XXYLT1: variants seen among roughly 807,000 people sequenced by gnomAD.
XXYLT1 encodes UDP-xylose:alpha-xyloside alpha-1,3-xylosyltransferase.
XXYLT1 carries 20 observed loss-of-function variants against 28.9 expected under a neutral mutation model. The observed-to-expected ratio is 0.69, with a 90% CI of 0.49 to 1.00. The LOEUF is 1.00. Ranked by LOEUF, XXYLT1 falls within the 50% of genes least tolerant of loss-of-function variation. XXYLT1 has a pLI of 0.00. For missense variants in XXYLT1, 542 were observed against 560.1 expected (o/e 0.97, Z 0.33); for synonymous variants, 257 against 253.8 (o/e 1.01, Z -0.12).
chr3:195,248,060 G>C, intron 1 of XXYLT1: 1 of 516,962 alleles, frequency 1.9e-6, no homozygotes, highest in Non-Finnish European at 3.5e-6. Flanking sequence ...TTCCAAGGCT[G>C]CCTGCTCTCC....
chr3:195,152,461 A>C (rs1420074348), intron 3 of XXYLT1: 1 of 152,452 alleles, frequency 6.6e-6, no homozygotes, highest in Non-Finnish European at 1.5e-5. Context: ...CCCGAGAGAG[A>C]GAGGCTCCTC....
rs757577458 is a variant in XXYLT1, at chr3:195,226,902, A to C, written c.505-46T>G. 2.1e-5 allele frequency: 34 copies of C among 1,597,886 alleles called. No individual in the cohort carries two copies. The highest frequency in any genetic ancestry group is 2.8e-5 in the Non-Finnish European group (33 of 1,172,362). On this transcript the variant is annotated intron_variant, in intron 1 of 3. Transcript: ENST00000310380. Reference sequence around the variant, plus strand: ...ACCAAGGCTCAGCAAACCAGTTCTCACTGCAAGCTCAACACCCAACAAGCA... The same window carrying C: ...ACCAAGGCTCAGCAAACCAGTTCTCCCTGCAAGCTCAACACCCAACAAGCA...
At chr3:195,246,367 T>A (rs1725024103) in intron 1 of XXYLT1, among the ~76,000 whole-genome samples, 2 of 152,140 alleles carry the variant, frequency 1.3e-5, no homozygotes, top group Non-Finnish European at 2.9e-5. Context: ...CTTCCTCACC[T>A]CCAATGGCAA....
At chr3:195,080,468 T>C (rs1220979226) in intron 3 of XXYLT1, among the ~76,000 whole-genome samples, 2 of 147,426 alleles carry the variant, frequency 1.4e-5, no homozygotes, top group Non-Finnish European at 3.0e-5. Context: ...AGGACCCACA[T>C]GCACCTGGCC....
chr3:195,072,193 G>A (rs935579938), intron 3 of XXYLT1, among the ~76,000 whole-genome samples: 2 of 151,978 alleles, frequency 1.3e-5, no homozygotes, highest in Non-Finnish European at 2.9e-5. Context: ...TGTCGACACC[G>A]GGTGGAAGCA....
intron 3 of XXYLT1, among the ~76,000 whole-genome samples, chr3:195,110,835 TGG>T (rs1323465478): frequency 1.8e-5 from 1 of 54,248 alleles, no homozygotes; most frequent in African/African-American, 7.9e-5. Context: ...AGTGTGTGTG[TGG>T]TGTGTTGTGT....
At chr3:195,234,807 A>C (rs949838039) in intron 1 of XXYLT1, among the ~76,000 whole-genome samples, 1 of 151,918 alleles carries the variant, frequency 6.6e-6, no homozygotes, top group African/African-American at 2.4e-5. Context: ...TTGACTTTTG[A>C]GAGTTTGTTA....
At chr3:195,083,941 G>A (rs1481715615) in intron 3 of XXYLT1, among the ~76,000 whole-genome samples, 4 of 152,086 alleles carry the variant, frequency 2.6e-5, no homozygotes, top group Non-Finnish European at 5.9e-5. Context: ...CAGGAGCATG[G>A]TTTGAACCCA....
At chr3:195,101,808 A>G (rs1310477093) in intron 3 of XXYLT1, among the ~76,000 whole-genome samples, 4 of 136,818 alleles carry the variant, frequency 2.9e-5, no homozygotes, top group South Asian at 2.8e-4. Flanking sequence ...TGAAAAAAAA[A>G]GGGGAGAGGG....
At chr3:195,110,337 A>ACGTGGTGTG (rs1178063940) in intron 3 of XXYLT1, among the ~76,000 whole-genome samples, 1 of 2,198 alleles carries the variant, frequency 4.5e-4, no homozygotes, top group Non-Finnish European at 1.7e-3. Flanking sequence ...AGGTGTGTGT[A>ACGTGGTGTG]TGTGTGTGGT....
chr3:195,071,917 G>T (rs1714838680), intron 3 of XXYLT1, among the ~76,000 whole-genome samples: 1 of 152,196 alleles, frequency 6.6e-6, no homozygotes, highest in Non-Finnish European at 1.5e-5. Context: ...GAGACCCAAA[G>T]GGAGGGAGGG....
chr3:195,242,015 G>C (rs1224023594), intron 1 of XXYLT1, among the ~76,000 whole-genome samples: 1 of 152,220 alleles, frequency 6.6e-6, no homozygotes, highest in Non-Finnish European at 1.5e-5. Context: ...GCGGGACCTT[G>C]TCTGTCGTAT....
chr3:195,181,888 T>C (rs1257554519), intron 2 of XXYLT1, among the ~76,000 whole-genome samples: 1 of 152,244 alleles, frequency 6.6e-6, no homozygotes, highest in Non-Finnish European at 1.5e-5. Flanking sequence ...TGAGCTTCCG[T>C]ATTTTTCTTG....
chr3:195,145,322 G>C (rs996869802), intron 3 of XXYLT1, among the ~76,000 whole-genome samples: 14 of 151,636 alleles, frequency 9.2e-5, no homozygotes, highest in African/African-American at 3.4e-4. Context: ...GGGGCCCTGC[G>C]AGCATCTCTG....
chr3:195,134,826 GGTGTGT>G (rs3073321), intron 3 of XXYLT1, among the ~76,000 whole-genome samples: 20,633 of 145,418 alleles, frequency 0.14, 1,559 homozygotes, highest in African/African-American at 0.2. Context: ...CGTGAAGAGG[GGTGTGT>G]GTGTGTGTGT....
Position 195,271,021 on chromosome 3 carries a change from G to A in XXYLT1, c.38C>T (p.Ala13Val), listed in dbSNP as rs1726010695. The change falls in exon 1 of 4, where the codon GCC becomes GTC. Residue 13 changes from alanine (A) to valine (V), a missense_variant. Ala to Val is a moderately conservative substitution (Grantham distance 64, BLOSUM62 0). Transcript: ENST00000310380. ...LLRGGLPCAR[A>V]MARLGAVRSH... ...GCGCACAGCGCCCAGGCGCGCCATGGCCCGAGCGCATGGGAGCCCGCCTCG... is the reference window on the plus strand; with the variant it reads ...GCGCACAGCGCCCAGGCGCGCCATGACCCGAGCGCATGGGAGCCCGCCTCG... 1 of 1,466,102 alleles carries A rather than the reference G, an allele frequency of 6.8e-7. No individual in the cohort carries two copies. The highest frequency in any genetic ancestry group is 9.0e-7 in the Non-Finnish European group (1 of 1,113,864). 90.8% of individuals were successfully genotyped at this position (1,466,102 alleles called of 1,614,324 possible).
chr3:195,221,305 G>A (rs1723811725), intron 2 of XXYLT1, among the ~76,000 whole-genome samples: 1 of 152,180 alleles, frequency 6.6e-6, no homozygotes, highest in Non-Finnish European at 1.5e-5. Context: ...TCAGCATTGG[G>A]TGGCTCTTCA....
chr3:195,072,071 A>G (rs1714850834), intron 3 of XXYLT1, among the ~76,000 whole-genome samples: 1 of 152,134 alleles, frequency 6.6e-6, no homozygotes, highest in Admixed American at 6.5e-5. Flanking sequence ...TGGCCCGTGC[A>G]GTCTCTTGTG....
At chr3:195,163,337 G>A (rs911171337) in intron 2 of XXYLT1, among the ~76,000 whole-genome samples, 1 of 152,130 alleles carries the variant, frequency 6.6e-6, no homozygotes, top group Non-Finnish European at 1.5e-5. Context: ...TTGAGCCCAT[G>A]CCACCTTATG....
Sources: gnomAD v4.1 joint callset for allele counts (sites outside exome capture counted in the v4.1 genomes callset) on GRCh38, gnomAD v4.1.1 for gene constraint, MANE v1.5 for transcripts, NCBI Gene and HGNC (gene_info 2026-07-23, HGNC 2026-07-21) for gene names.